KCNH7: variants seen among roughly 807,000 people sequenced by gnomAD.
KCNH7 encodes voltage-gated inwardly rectifying potassium channel KCNH7.
A neutral mutation model predicts 120.8 loss-of-function variants in KCNH7; 49 were observed. That is an observed-to-expected ratio of 0.41 (90% confidence interval 0.32 to 0.51). KCNH7 has a LOEUF of 0.51. Ranked by LOEUF, KCNH7 falls within the 20% of genes least tolerant of loss-of-function variation. The probability of loss-of-function intolerance (pLI) is 0.38; values close to 1 mark genes in which losing one functional copy is unlikely to be tolerated. For missense variants in KCNH7, 1,097 were observed against 1,446.6 expected (o/e 0.76, Z 3.92); for synonymous variants, 547 against 516.1 (o/e 1.06, Z -0.81).
chr2:162,819,512 T>C (rs909277548), intron 2 of KCNH7, among the ~76,000 whole-genome samples: 3 of 152,210 alleles, frequency 2.0e-5, no homozygotes, highest in African/African-American at 7.2e-5. Context: ...GCAACTCTTC[T>C]GTAGGTCAGA....
intron 9 of KCNH7, among the ~76,000 whole-genome samples, chr2:162,419,231 T>C (rs1423009880): frequency 6.8e-6 from 1 of 148,078 alleles, no homozygotes; most frequent in Non-Finnish European, 1.5e-5. Flanking sequence ...CCAACTACTT[T>C]CTATGTCTGT....
intron 2 of KCNH7, among the ~76,000 whole-genome samples, chr2:162,650,328 G>A (rs1482715820): frequency 6.6e-6 from 1 of 152,036 alleles, no homozygotes; most frequent in Admixed American, 6.6e-5. Flanking sequence ...TGATTTTTTT[G>A]TGTGAAGATA....
intron 2 of KCNH7, among the ~76,000 whole-genome samples, chr2:162,646,647 C>A (rs1352256934): frequency 3.3e-5 from 5 of 152,178 alleles, no homozygotes; most frequent in Non-Finnish European, 7.3e-5. Flanking sequence ...CTAAGAAGGA[C>A]TTGATGAGCT....
chr2:162,773,864 G>A (rs901295766), intron 2 of KCNH7, among the ~76,000 whole-genome samples: 2 of 152,056 alleles, frequency 1.3e-5, no homozygotes, highest in African/African-American at 2.4e-5. Flanking sequence ...TATGATAAAC[G>A]GGATTGTCTT....
chr2:162,731,246 G>A (rs979623054), intron 2 of KCNH7, among the ~76,000 whole-genome samples: 16 of 148,758 alleles, frequency 1.1e-4, no homozygotes, highest in African/African-American at 3.7e-4. Context: ...GTGTGTGTGT[G>A]TGTATAATAT....
rs1009972328 is a variant in KCNH7, at chr2:162,512,661, A to G, written c.906T>C (p.Asn302=). The G allele has an allele frequency of 5.6e-6, 9 of 1,608,892 alleles. No individual in the cohort carries two copies. Among genetic ancestry groups the G allele is most frequent in the Non-Finnish European group, 7.6e-6 (9 of 1,176,770 alleles). The change falls in exon 5 of 16, where the codon AAT becomes AAC. Residue 302 remains asparagine, a synonymous_variant. Transcript: ENST00000332142. ...TTTGAGTTTGTACATTACCTTTGAC[A>G]TTGCGACCATTGTCTGTTTTGAGCA... ...DRHASEDNGR[N]VKGPFNHIKS... is the part of the protein sequence containing the mutation.
chr2:162,522,424 C>G (rs1257196954), intron 3 of KCNH7, among the ~76,000 whole-genome samples: 2 of 151,844 alleles, frequency 1.3e-5, no homozygotes, highest in African/African-American at 4.8e-5. Context: ...TTCTGCATCA[C>G]TAGGTTAATA....
intron 2 of KCNH7, among the ~76,000 whole-genome samples, chr2:162,661,273 C>T (rs1684950481): frequency 6.6e-6 from 1 of 152,008 alleles, no homozygotes; most frequent in South Asian, 2.1e-4. Context: ...CTCAAATTTT[C>T]AGGAGGTTAC....
intron 6 of KCNH7, among the ~76,000 whole-genome samples, chr2:162,486,955 A>G (rs1468138161): frequency 1.3e-5 from 2 of 152,200 alleles, no homozygotes; most frequent in Non-Finnish European, 2.9e-5. Flanking sequence ...CTAAGAAAAT[A>G]TTTCTTCTGG....
At chr2:162,570,809 A>C (rs1358645552) in intron 2 of KCNH7, among the ~76,000 whole-genome samples, 1 of 152,128 alleles carries the variant, frequency 6.6e-6, no homozygotes, top group Non-Finnish European at 1.5e-5. Flanking sequence ...TGATTATCTC[A>C]ATAGATGCAG....
At chr2:162,617,650 A>T (rs1683197232) in intron 2 of KCNH7, among the ~76,000 whole-genome samples, 1 of 152,216 alleles carries the variant, frequency 6.6e-6, no homozygotes, top group Admixed American at 6.5e-5. Context: ...ATGGTTGCTT[A>T]TCTCAACACA....
chr2:162,744,642 C>T (rs558912242), intron 2 of KCNH7, among the ~76,000 whole-genome samples: 15 of 150,408 alleles, frequency 1.0e-4, no homozygotes, highest in Non-Finnish European at 2.1e-4. Flanking sequence ...GCGTGATCTC[C>T]GCTTACTGCA....
intron 2 of KCNH7, among the ~76,000 whole-genome samples, chr2:162,691,435 T>C (rs140059868): frequency 3.5e-4 from 53 of 152,300 alleles, no homozygotes; most frequent in African/African-American, 1.2e-3. Context: ...CAAAGAGACA[T>C]TGTTCAGCAG....
chr2:162,553,871 G>T (rs1692769002), intron 2 of KCNH7, among the ~76,000 whole-genome samples: 1 of 152,084 alleles, frequency 6.6e-6, no homozygotes, highest in Non-Finnish European at 1.5e-5. Context: ...ACATTCTTAG[G>T]TAGTACATTT....
At chr2:162,391,333 A>G (rs1452399943) in intron 12 of KCNH7, among the ~76,000 whole-genome samples, 1 of 152,116 alleles carries the variant, frequency 6.6e-6, no homozygotes, top group Non-Finnish European at 1.5e-5. Flanking sequence ...ATCAAGAAGT[A>G]TATGATGAAT....
intron 2 of KCNH7, among the ~76,000 whole-genome samples, chr2:162,577,535 T>G (rs1340957270): frequency 1.3e-5 from 2 of 151,928 alleles, no homozygotes; most frequent in Non-Finnish European, 2.9e-5. Context: ...GGAACAAAAT[T>G]ATTTAATTTG....
chr2:162,769,505 T>G (rs923102863), intron 2 of KCNH7, among the ~76,000 whole-genome samples: 1 of 152,130 alleles, frequency 6.6e-6, no homozygotes, highest in Non-Finnish European at 1.5e-5. Flanking sequence ...ATACTGCTAT[T>G]GCAACCGGCT....
chr2:162,688,816 G>A (rs1274741890), intron 2 of KCNH7, among the ~76,000 whole-genome samples: 2 of 151,018 alleles, frequency 1.3e-5, no homozygotes. Flanking sequence ...TTTAACAGGT[G>A]GGTGTATGGT....
At chr2:162,589,638 C>A (rs979965221) in intron 2 of KCNH7, among the ~76,000 whole-genome samples, 1 of 152,058 alleles carries the variant, frequency 6.6e-6, no homozygotes, top group South Asian at 2.1e-4. Context: ...ACTCCCCCAG[C>A]AGAGCAGCTT....
Sources: gnomAD v4.1 joint callset for allele counts (sites outside exome capture counted in the v4.1 genomes callset) on GRCh38, gnomAD v4.1.1 for gene constraint, MANE v1.5 for transcripts, NCBI Gene and HGNC (gene_info 2026-07-23, HGNC 2026-07-21) for gene names.